The following XPR1 variants were observed in gnomAD, a reference collection of about 807,000 sequenced individuals.
The protein encoded by XPR1 is solute carrier family 53 member 1.
XPR1 carries 28 observed loss-of-function variants against 87.5 expected under a neutral mutation model. That is an observed-to-expected ratio of 0.32 (90% confidence interval 0.24 to 0.44). The LOEUF (loss-of-function observed/expected upper bound fraction) is 0.44. XPR1 is among the 20% of genes least tolerant of loss of function. The pLI, the probability that XPR1 is intolerant of heterozygous loss-of-function variation, is 1.00. For synonymous variants in XPR1, 300 were observed against 306.1 expected (o/e 0.98, Z 0.21); for missense variants, 559 against 862.3 (o/e 0.65, Z 4.41).
At chr1:180,821,370 G>C (rs1418864535) in intron 7 of XPR1, among the ~76,000 whole-genome samples, 1 of 152,150 alleles carries the variant, frequency 6.6e-6, no homozygotes, top group African/African-American at 2.4e-5. Flanking sequence ...CGATGTATAG[G>C]TTTATCTCTG....
At chr1:180,655,427 G>T in intron 1 of XPR1, among the ~76,000 whole-genome samples, 1 of 146,826 alleles carries the variant, frequency 6.8e-6, no homozygotes. Flanking sequence ...TTGAGACAGG[G>T]TCTCATTCTG....
Position 180,680,157 on chromosome 1 carries a change from C to T in XPR1, c.70-2203C>T, listed in dbSNP as rs372090034. 1.5e-4 allele frequency among the ~76,000 whole-genome samples: 23 copies of T among 151,958 alleles called. No individual in the cohort carries two copies. In the South Asian group the frequency reaches 2.1e-3, roughly 14 times the overall value. On this transcript the variant is annotated intron_variant, in intron 1 of 14. Transcript: ENST00000367590. The stretch of plus-strand genomic sequence containing the variant: ...CACTCATCATCAAAGAAATACAAAT[C>T]AAAACCACAGTGAGGTATCATCTCA...
Position 180,806,082 on chromosome 1 carries a change from T to C in XPR1, c.468T>C (p.Phe156=). 6.2e-7 allele frequency: 1 copy of C among 1,613,432 alleles called. No homozygotes were observed. The highest frequency in any genetic ancestry group is 8.5e-7 in the Non-Finnish European group (1 of 1,179,640). The change falls in exon 5 of 15, where the codon TTT becomes TTC. Residue 156 remains phenylalanine (F), a synonymous_variant. Transcript: ENST00000367590. ...QNYQNLNFTG[F]RKILKKHDKI... is the part of the protein sequence containing the mutation. ...TGTAGAATCTGAATTTTACAGGGTT[T>C]CGAAAAATCCTGAAAAAGCATGACA...
At chr1:180,854,127 C>G (rs555692176) in intron 11 of XPR1, among the ~76,000 whole-genome samples, 74 of 152,280 alleles carry the variant, frequency 4.9e-4, no homozygotes, top group African/African-American at 1.7e-3. Context: ...GGAACTTATC[C>G]TCATATAAGT....
chr1:180,681,420 C>T (rs1260957765), intron 1 of XPR1, among the ~76,000 whole-genome samples: 1 of 152,030 alleles, frequency 6.6e-6, no homozygotes, highest in Non-Finnish European at 1.5e-5. Flanking sequence ...CCGAGGAGGG[C>T]GGATCATGAG....
chr1:180,798,047 T>C (rs961915382), intron 3 of XPR1, among the ~76,000 whole-genome samples: 9 of 147,348 alleles, frequency 6.1e-5, no homozygotes, highest in African/African-American at 1.6e-4. Flanking sequence ...TTTTAAAATA[T>C]ATGAATTGTT....
chr1:180,837,765 A>C (rs1294627940), intron 11 of XPR1, among the ~76,000 whole-genome samples: 1 of 152,132 alleles, frequency 6.6e-6, no homozygotes, highest in Non-Finnish European at 1.5e-5. Context: ...AAGTTCCCAT[A>C]ATTTTAACTC....
At chr1:180,752,299 T>C (rs1401986284) in intron 2 of XPR1, among the ~76,000 whole-genome samples, 2 of 152,182 alleles carry the variant, frequency 1.3e-5, no homozygotes, top group African/African-American at 2.4e-5. Flanking sequence ...TTTATTCTTT[T>C]CTTTTTTTGA....
intron 1 of XPR1, among the ~76,000 whole-genome samples, chr1:180,649,844 A>T (rs1461221078): frequency 6.6e-6 from 1 of 152,080 alleles, no homozygotes; most frequent in East Asian, 1.9e-4. Context: ...TAGAGGTGGG[A>T]GTTGAGTGGA....
chr1:180,841,149 G>A (rs373330768), intron 11 of XPR1, among the ~76,000 whole-genome samples: 66 of 152,126 alleles, frequency 4.3e-4, no homozygotes, highest in Middle Eastern at 6.8e-3. Flanking sequence ...AGTATAAAGA[G>A]ATAAGCAGGG....
At chr1:180,715,135 C>T (rs1044795757) in intron 2 of XPR1, among the ~76,000 whole-genome samples, 6 of 152,132 alleles carry the variant, frequency 3.9e-5, no homozygotes, top group African/African-American at 1.4e-4. Flanking sequence ...TTGGATACTA[C>T]TAAGTATATG....
intron 13 of XPR1, chr1:180,878,218 C>A (rs151292909): frequency 6.6e-6 from 1 of 152,170 alleles, no homozygotes. Flanking sequence ...TACCTCATGA[C>A]GATTTTCTTT....
chr1:180,673,459 A>G (rs1656253006), intron 1 of XPR1, among the ~76,000 whole-genome samples: 1 of 152,240 alleles, frequency 6.6e-6, no homozygotes, highest in Non-Finnish European at 1.5e-5. Context: ...CTAAAAATAA[A>G]GTAGGAACAT....
intron 2 of XPR1, among the ~76,000 whole-genome samples, chr1:180,777,269 ACTACGT>A (rs1648759808): frequency 6.6e-6 from 1 of 152,134 alleles, no homozygotes; most frequent in South Asian, 2.1e-4. Flanking sequence ...TATCTACTGT[ACTACGT>A]CTCACTGGTC....
At chr1:180,659,373 G>A (rs191014953) in intron 1 of XPR1, among the ~76,000 whole-genome samples, 3 of 73,250 alleles carry the variant, frequency 4.1e-5, no homozygotes, top group East Asian at 4.9e-4. Flanking sequence ...CCTTCCGTCC[G>A]TCCTTCCGTC....
At chr1:180,715,847 A>G (rs1278674822) in intron 2 of XPR1, among the ~76,000 whole-genome samples, 1 of 151,922 alleles carries the variant, frequency 6.6e-6, no homozygotes, top group African/African-American at 2.4e-5. Flanking sequence ...TAATTTTTGT[A>G]TTTTTAGTAG....
chr1:180,862,108 A>G (rs1338357955), intron 11 of XPR1, among the ~76,000 whole-genome samples: 2 of 152,122 alleles, frequency 1.3e-5, no homozygotes, highest in East Asian at 3.8e-4. Context: ...GAGTTTCTGA[A>G]AATTTAACAA....
intron 2 of XPR1, among the ~76,000 whole-genome samples, chr1:180,697,408 T>C (rs1296293596): frequency 6.6e-6 from 1 of 152,018 alleles, no homozygotes; most frequent in Admixed American, 6.5e-5. Context: ...TCAAAAACTT[T>C]ATTTTGCTGA....
chr1:180,775,264 T>G (rs574152771), intron 2 of XPR1, among the ~76,000 whole-genome samples: 8 of 152,244 alleles, frequency 5.3e-5, no homozygotes, highest in Admixed American at 1.3e-4. Context: ...TGGTTCATTG[T>G]TTTACTCATC....
Sources: gnomAD v4.1 joint callset for allele counts (sites outside exome capture counted in the v4.1 genomes callset) on GRCh38, gnomAD v4.1.1 for gene constraint, MANE v1.5 for transcripts, NCBI Gene and HGNC (gene_info 2026-07-23, HGNC 2026-07-21) for gene names.